NCALD: variants seen among roughly 807,000 people sequenced by gnomAD.
The protein encoded by NCALD is neurocalcin-delta.
NCALD carries 10 observed loss-of-function variants against 18.6 expected under a neutral mutation model. The ratio of observed to expected loss-of-function variants is 0.54; its 90% confidence interval spans 0.33 to 0.91. The LOEUF (loss-of-function observed/expected upper bound fraction) is 0.91, where lower values mean the gene tolerates loss of function less well. Ranked by LOEUF, NCALD falls within the 40% of genes least tolerant of loss-of-function variation. The probability of loss-of-function intolerance (pLI) is 0.03; values close to 1 mark genes in which losing one functional copy is unlikely to be tolerated. For missense variants in NCALD, 184 were observed against 247.6 expected, an observed-to-expected ratio of 0.74 and a Z score of 1.72; for synonymous variants, 88 against 87.4, an observed-to-expected ratio of 1.01 and a Z score of -0.04.
At chr8:101,758,535 C>T (rs1053766665) in intron 1 of NCALD, among the ~76,000 whole-genome samples, 4 of 152,190 alleles carry the variant, frequency 2.6e-5, no homozygotes, top group Non-Finnish European at 4.4e-5. Context: ...GTAATCTGTT[C>T]CTCCCATGAA....
chr8:102,074,161 G>A (rs142418017), intron 1 of NCALD, among the ~76,000 whole-genome samples: 118 of 152,304 alleles, frequency 7.7e-4, no homozygotes, highest in African/African-American at 2.4e-3. Flanking sequence ...AGTGGCAAAG[G>A]AGAAACAAGG....
In NCALD at chr8:102,000,071, C is replaced by T. The variant is rs367584229; in HGVS notation, c.-157+20166G>A. On this transcript the variant is annotated intron_variant, in intron 2 of 6. Coordinates refer to the NCALD transcript ENST00000311028. ...TGGGTCCAGCGCACCGAGCGTGAGCCGAAGCAGGGCGAGGCATTGCCTCAC... is the reference window on the plus strand; with the variant it reads ...TGGGTCCAGCGCACCGAGCGTGAGCTGAAGCAGGGCGAGGCATTGCCTCAC... 2.2e-4 allele frequency among the ~76,000 whole-genome samples: 34 copies of T among 152,264 alleles called. 1 individual carries two copies. The highest frequency in any genetic ancestry group is 1.3e-3 in the East Asian group (7 of 5,186).
intron 3 of NCALD, among the ~76,000 whole-genome samples, chr8:101,893,340 A>C (rs1357367588): frequency 0.037 from 5,480 of 146,192 alleles, 252 homozygotes; most frequent in African/African-American, 0.12. Context: ...ACCAGGCCTG[A>C]CCTAAAAGAG....
chr8:102,036,220 G>A (rs1433300654), intron 1 of NCALD, among the ~76,000 whole-genome samples: 3 of 151,898 alleles, frequency 2.0e-5, no homozygotes, highest in Admixed American at 6.6e-5. Flanking sequence ...GCTGAGGCAG[G>A]AGGATCATTG....
rs535401504 is a variant in NCALD, at chr8:101,697,182, C to T, written c.379-4286G>A. On this transcript the variant is annotated intron_variant, in intron 2 of 3. Transcript: ENST00000220931. ...CTATAAACATCTCTATGCAAATAAA[C>T]GGGAAAATCTAGAAGAAATGTATAA... Among the ~76,000 whole-genome samples, 24 of 151,766 alleles carry T rather than the reference C, an allele frequency of 1.6e-4. No homozygotes were observed. The South Asian group carries it at 3.1e-3, about 20-fold the overall frequency.
At position 101,689,632 on chromosome 8, in the gene NCALD, A is replaced by G. The variant is rs958687479; in HGVS notation, c.485-226T>C. Among the ~76,000 whole-genome samples, 1 of 152,224 alleles carries G rather than the reference A, an allele frequency of 6.6e-6. No individual in the cohort carries two copies. The highest frequency in any genetic ancestry group is 1.5e-5 in the Non-Finnish European group (1 of 68,036). ...AGCACTTAGGACAGTACATGTGGCA[A>G]TCAAACGCCGCTGCCTGAGAGCCCA... On this transcript the variant is annotated intron_variant, in intron 3 of 3. Coordinates refer to ENST00000220931, the MANE Select transcript of NCALD (RefSeq NM_032041.3). The surrounding 1 kb of genome is among the most constrained non-coding windows in gnomAD (Gnocchi z 4.4).
chr8:102,053,128 A>G (rs1047457129), intron 1 of NCALD, among the ~76,000 whole-genome samples: 93 of 152,342 alleles, frequency 6.1e-4, no homozygotes, highest in Non-Finnish European at 6.8e-4. Context: ...TTGCAAATAT[A>G]AAGAGCAATA....
intron 2 of NCALD, among the ~76,000 whole-genome samples, chr8:101,706,220 T>C (rs964446437): frequency 6.6e-5 from 10 of 151,920 alleles, no homozygotes; most frequent in African/African-American, 1.9e-4. Flanking sequence ...AAGAGGCAAA[T>C]TTAATAGCTC....
At chr8:101,739,356 A>T (rs1810084962) in intron 1 of NCALD, among the ~76,000 whole-genome samples, 1 of 152,126 alleles carries the variant, frequency 6.6e-6, no homozygotes. Flanking sequence ...CTAATATACT[A>T]ACAGTTTTAT....
chr8:101,825,344 G>A (rs1073027), intron 4 of NCALD, among the ~76,000 whole-genome samples: 18,258 of 152,268 alleles, frequency 0.12, 3,052 homozygotes, highest in African/African-American at 0.37. Flanking sequence ...AGTCTAGTTC[G>A]TCCACACATG....
At chr8:101,980,206 C>G (rs1264204473) in intron 2 of NCALD, among the ~76,000 whole-genome samples, 1 of 152,198 alleles carries the variant, frequency 6.6e-6, no homozygotes, top group African/African-American at 2.4e-5. Flanking sequence ...AACCCCAAAA[C>G]CCCACTCCCC....
chr8:102,093,954 G>C (rs1286177300), intron 1 of NCALD, among the ~76,000 whole-genome samples: 1 of 152,028 alleles, frequency 6.6e-6, no homozygotes, highest in Admixed American at 6.6e-5. Flanking sequence ...AGAGTGGCAA[G>C]AATTCATCAG....
intron 2 of NCALD, among the ~76,000 whole-genome samples, chr8:101,981,790 C>A: frequency 6.6e-6 from 1 of 152,226 alleles, no homozygotes; most frequent in African/African-American, 2.4e-5. Context: ...TATATGAATT[C>A]CAAGTCTCAA....
At chr8:101,938,678 C>T (rs759537058) in intron 2 of NCALD, among the ~76,000 whole-genome samples, 4 of 151,772 alleles carry the variant, frequency 2.6e-5, no homozygotes, top group East Asian at 3.8e-4. Flanking sequence ...TTGTAAGTGG[C>T]AATAGAAAGA....
intron 2 of NCALD, among the ~76,000 whole-genome samples, chr8:102,010,657 C>T (rs184270018): frequency 1.3e-3 from 200 of 152,276 alleles, no homozygotes; most frequent in African/African-American, 4.6e-3. Context: ...GGAGAGCTGT[C>T]GGCCTGTGGG....
chr8:101,775,675 G>A (rs1024593329), intron 1 of NCALD, among the ~76,000 whole-genome samples: 1 of 152,162 alleles, frequency 6.6e-6, no homozygotes, highest in East Asian at 1.9e-4. Flanking sequence ...CACTGACCCA[G>A]CAGCTCAGAT....
At chr8:101,976,601 A>C (rs1346072706) in intron 2 of NCALD, among the ~76,000 whole-genome samples, 1 of 152,208 alleles carries the variant, frequency 6.6e-6, no homozygotes, top group African/African-American at 2.4e-5. Flanking sequence ...ATTCTTTTAG[A>C]TTTTATTTGA....
chr8:101,956,598 GGAGAGAGAGAGAGACAGACACAGAGA>G (rs1563931620), intron 2 of NCALD, among the ~76,000 whole-genome samples: 1 of 151,310 alleles, frequency 6.6e-6, no homozygotes, highest in Non-Finnish European at 1.5e-5. Context: ...AGAGGGAGGT[GGAGAGAGAGAGAGACAGACACAGAGA>G]GAGAGAGAGA....
At chr8:101,892,556 A>G (rs1408109649) in intron 3 of NCALD, among the ~76,000 whole-genome samples, 3 of 149,248 alleles carry the variant, frequency 2.0e-5, no homozygotes, top group Admixed American at 6.6e-5. Context: ...CAGACGATCA[A>G]ACTACTCCGA....
Sources: gnomAD v4.1 joint callset for allele counts (sites outside exome capture counted in the v4.1 genomes callset) on GRCh38, gnomAD v4.1.1 for gene constraint, Gnocchi (gnomAD v3.1) non-coding constraint, MANE v1.5 for transcripts, NCBI Gene and HGNC (gene_info 2026-07-23, HGNC 2026-07-21) for gene names.